CCDC39: variants seen among roughly 807,000 people sequenced by gnomAD.
CCDC39 encodes the protein coiled-coil domain-containing protein 39.
In CCDC39, 113 loss-of-function variants were observed where a neutral mutation model predicts 121.0. That is an observed-to-expected ratio of 0.93 (90% CI 0.80 to 1.09). The LOEUF (loss-of-function observed/expected upper bound fraction) is 1.09, where lower values mean the gene tolerates loss of function less well. Among genes scored for constraint, CCDC39 ranks in the 50% least tolerant of loss-of-function variants. CCDC39 has a pLI of 0.00. For missense variants in CCDC39, 1,063 were observed against 1,074.7 expected (o/e 0.99, Z 0.15); for synonymous variants, 349 against 352.2 (o/e 0.99, Z 0.10).
chr3:180,623,625 C>G (rs1022675510), intron 14 of CCDC39, among the ~76,000 whole-genome samples: 5 of 151,880 alleles, frequency 3.3e-5, no homozygotes, highest in African/African-American at 1.2e-4. Context: ...TCCTTTTGCT[C>G]TATCCCACAG....
At chr3:180,617,906 A>G (rs1356013347) in intron 16 of CCDC39, 1 of 155,092 alleles carries the variant, frequency 6.4e-6, no homozygotes, top group East Asian at 1.9e-4. Flanking sequence ...CCACTCACTC[A>G]CTCAGTCACT....
Position 180,644,173 on chromosome 3 carries a change from G to T in CCDC39, c.1612C>A (p.Leu538Ile). ...TCTTTCTCTGATCTGTCGATGAAAA[G>T]GTTTAGTTCATTTATTTTGGTCATA... ...SLMTKINELNLFIDRSEKELD... is the reference protein window; with the variant it reads ...SLMTKINELNIFIDRSEKELD... Residue 538 changes from leucine (L) to isoleucine (I), a missense_variant, in exon 12 of 20, where the codon CTT becomes ATT. By Grantham distance (5) the Leu-to-Ile change is conservative. Coordinates refer to ENST00000476379, the MANE Select transcript of CCDC39 (RefSeq NM_181426.2). 6.5e-7 allele frequency: 1 copy of T among 1,543,726 alleles called. No individual in the cohort carries two copies. Among genetic ancestry groups the T allele is most frequent in the Non-Finnish European group, 8.7e-7 (1 of 1,143,576 alleles).
chr3:180,678,100 G>A (rs532716327), intron 1 of CCDC39, among the ~76,000 whole-genome samples: 2 of 152,142 alleles, frequency 1.3e-5, no homozygotes, highest in East Asian at 1.9e-4. Flanking sequence ...CCTAGAGCCC[G>A]CGAAGTAATT....
chr3:180,616,674 T>C lies in CCDC39; in HGVS notation c.2428A>G (p.Ile810Val), dbSNP rs1359080654. 1.3e-6 allele frequency: 2 copies of C among 1,591,024 alleles called. No homozygotes were observed. The highest frequency in any genetic ancestry group is 8.6e-7 in the Non-Finnish European group (1 of 1,166,890). Residue 810 changes from isoleucine (I) to valine (V), a missense_variant, in exon 18 of 20, where the codon ATC becomes GTC. Transcript: ENST00000476379. ...TKQCAKLTKE[I>V]RLLKDTKDET... ...TCTTTTGTGTCTTTCAAAAGACGGA[T>C]TTCCTTTGTGAGTTTTGCACACTGT...
At chr3:180,641,426 A>T (rs1019484542) in intron 13 of CCDC39, among the ~76,000 whole-genome samples, 4 of 152,130 alleles carry the variant, frequency 2.6e-5, no homozygotes, top group Non-Finnish European at 5.9e-5. Flanking sequence ...GGGAAAAAAG[A>T]AAAGTTATAA....
intron 6 of CCDC39, 56 bp from the exon 7 acceptor site, chr3:180,655,009 A>ATTCCTTTT: frequency 8.6e-7 from 1 of 1,156,160 alleles, no homozygotes; most frequent in Non-Finnish European, 1.2e-6. Flanking sequence ...AGAAAACTAA[A>ATTCCTTTT]AGGAATTTAG....
intron 6 of CCDC39, among the ~76,000 whole-genome samples, chr3:180,658,892 C>T (rs1351390397): frequency 6.6e-6 from 1 of 152,092 alleles, no homozygotes; most frequent in Non-Finnish European, 1.5e-5. Context: ...TATTTCATTC[C>T]TTAATGATTT....
intron 16 of CCDC39, chr3:180,617,532 G>A: frequency 1.6e-6 from 1 of 635,848 alleles, no homozygotes; most frequent in Non-Finnish European, 2.9e-6. Flanking sequence ...TATGGAGGTG[G>A]AAGACAGTGG....
intron 14 of CCDC39, among the ~76,000 whole-genome samples, chr3:180,625,274 C>T (rs1314959534): frequency 6.6e-6 from 1 of 150,578 alleles, no homozygotes; most frequent in Non-Finnish European, 1.5e-5. Context: ...GACCTGTCTT[C>T]AAGGTCTGAG....
intron 1 of CCDC39, among the ~76,000 whole-genome samples, chr3:180,677,169 TATATATATATATA>T (rs1712250471): frequency 2.2e-4 from 1 of 4,550 alleles, no homozygotes; most frequent in Non-Finnish European, 4.3e-4. Flanking sequence ...ATAATAATTT[TATATATATATATA>T]TATATATATA....
chr3:180,659,063 C>T (rs1236219031), intron 6 of CCDC39, among the ~76,000 whole-genome samples: 1 of 152,134 alleles, frequency 6.6e-6, no homozygotes, highest in African/African-American at 2.4e-5. Context: ...TTTCTGACTC[C>T]TTGTCCCTTG....
At chr3:180,674,197 C>T (rs1048182832) in intron 1 of CCDC39, among the ~76,000 whole-genome samples, 34 of 152,040 alleles carry the variant, frequency 2.2e-4, no homozygotes, top group African/African-American at 7.2e-4. Context: ...CTTTCACATC[C>T]CTTGTAAGTT....
chr3:180,648,065 A>AAAGGGCTT, intron 10 of CCDC39, 100 bp downstream of exon 10: 1 of 958,188 alleles, frequency 1.0e-6, no homozygotes, highest in South Asian at 1.7e-5. Context: ...GTCCTCCACA[A>AAAGGGCTT]AAGGGCTTAT....
Position 180,637,187 on chromosome 3 carries a change from A to G in CCDC39, c.1874+4806T>C, listed in dbSNP as rs1717849892. On this transcript the variant is annotated intron_variant, in intron 13 of 19. Transcript: ENST00000476379. ...AATTTTTGCAAACTCTGCATCTGAT[A>G]AAGGTCTAATATCCAACATCTATAA... Among the ~76,000 whole-genome samples, 3 of 152,208 alleles carry G rather than the reference A, an allele frequency of 2.0e-5. No individual in the cohort carries two copies. In the South Asian group the frequency reaches 6.2e-4, roughly 32 times the overall value.
At chr3:180,659,158 G>A (rs1382321518) in intron 6 of CCDC39, among the ~76,000 whole-genome samples, 1 of 152,170 alleles carries the variant, frequency 6.6e-6, no homozygotes, top group African/African-American at 2.4e-5. Context: ...GGACAGCCAT[G>A]TGTAAGTCAG....
intron 19 of CCDC39, 62 bp from the exon 20 acceptor site, chr3:180,615,139 C>T (rs766437523): frequency 9.5e-5 from 116 of 1,221,166 alleles, no homozygotes; most frequent in Non-Finnish European, 1.3e-4. Flanking sequence ...TAGACCCTCT[C>T]ATTATTGGCA....
In CCDC39 at chr3:180,614,881, G is replaced by GT; in HGVS notation, c.*39dup. On this transcript the variant is annotated 3_prime_UTR_variant, in exon 20 of 20. Transcript: ENST00000476379. ...GTTTTGTATTTTAAAGTATATTTTT[G>GT]TTTTTGTGTTTACAACTTTTTCAGA... The GT allele has an allele frequency of 6.7e-7, 1 of 1,499,824 alleles. No individual in the cohort carries two copies. The highest frequency in any genetic ancestry group is 9.0e-7 in the Non-Finnish European group (1 of 1,113,388). 92.9% of individuals were successfully genotyped at this position (1,499,824 alleles called of 1,614,324 possible).
At chr3:180,653,970 T>C (rs537112495) in intron 7 of CCDC39, among the ~76,000 whole-genome samples, 10 of 151,398 alleles carry the variant, frequency 6.6e-5, no homozygotes, top group Non-Finnish European at 1.0e-4. Context: ...TTTTATTGGG[T>C]TTCTTTTCTG....
At chr3:180,664,103 T>C in intron 1 of CCDC39, 117 bp from the exon 2 acceptor site, 2 of 874,312 alleles carry the variant, frequency 2.3e-6, no homozygotes, top group African/African-American at 1.7e-5. Flanking sequence ...TTTGGACTGC[T>C]ATAACAAAAA....
Sources: gnomAD v4.1 joint callset for allele counts (sites outside exome capture counted in the v4.1 genomes callset) on GRCh38, gnomAD v4.1.1 for gene constraint, MANE v1.5 for transcripts, NCBI Gene and HGNC (gene_info 2026-07-23, HGNC 2026-07-21) for gene names.